The following SOS1 variants were observed in gnomAD, a reference collection of about 807,000 sequenced individuals.
SOS1 encodes SOS Ras/Rac guanine nucleotide exchange factor 1.
Under a neutral mutation model 157.6 loss-of-function variants are expected in SOS1, and 25 were observed. The observed-to-expected ratio is 0.16, with a 90% confidence interval of 0.12 to 0.22. The LOEUF (loss-of-function observed/expected upper bound fraction) is 0.22. SOS1 is among the 10% of genes least tolerant of loss of function. The probability of loss-of-function intolerance (pLI) is 1.00; values close to 1 mark genes in which losing one functional copy is unlikely to be tolerated. For synonymous variants in SOS1, 528 were observed against 534.0 expected (o/e 0.99, Z 0.16); for missense variants, 1,237 against 1,599.1 (o/e 0.77, Z 3.86).
intron 6 of SOS1, among the ~76,000 whole-genome samples, chr2:39,046,222 A>G (rs1670778439): frequency 6.6e-6 from 1 of 152,110 alleles, no homozygotes; most frequent in African/African-American, 2.4e-5. Context: ...TCTGTACATT[A>G]TAAGCTACAG....
chr2:39,113,044 A>G (rs930299368), intron 1 of SOS1, among the ~76,000 whole-genome samples: 4 of 152,076 alleles, frequency 2.6e-5, no homozygotes, highest in Admixed American at 6.6e-5. Context: ...CTCAAAAAAA[A>G]AAAAGAAAAG....
intron 1 of SOS1, among the ~76,000 whole-genome samples, chr2:39,106,061 T>C (rs952592614): frequency 1.3e-5 from 2 of 150,940 alleles, no homozygotes; most frequent in Non-Finnish European, 3.0e-5. Context: ...TAACAAAAAA[T>C]ACAAAAAAAT....
chr2:39,110,869 A>G (rs13432395), intron 1 of SOS1, among the ~76,000 whole-genome samples: 12,743 of 152,220 alleles, frequency 0.084, 1,898 homozygotes, highest in African/African-American at 0.29. Context: ...GGGAGGCTGA[A>G]GCGGGTAGAT....
chr2:39,096,802 T>C (rs985750025), intron 1 of SOS1, among the ~76,000 whole-genome samples: 1 of 151,356 alleles, frequency 6.6e-6, no homozygotes, highest in Non-Finnish European at 1.5e-5. Flanking sequence ...AGGAGAATGG[T>C]GTAAACCCAG....
rs569574224 is a variant in SOS1, at chr2:38,982,148, C to T, written c.*3676G>A. 8.5e-5 allele frequency: 13 copies of T among 152,048 alleles called. No homozygotes were observed. Among genetic ancestry groups the T allele is most frequent in the Non-Finnish European group, 1.9e-4 (13 of 68,000 alleles). 9.4% of individuals were successfully genotyped at this position (152,048 alleles called of 1,614,324 possible). A position where few individuals can be genotyped will look rare whatever the true frequency, so the allele number is the denominator to read the frequency against. On this transcript the variant is annotated 3_prime_UTR_variant, in exon 23 of 23. Coordinates refer to ENST00000402219, the MANE Select transcript of SOS1 (RefSeq NM_005633.4). ...TGCTTTATAATTCTGCAGCAATTGG[C>T]TACTTAATGCACTATTTTCATTAAA...
chr2:39,115,265 T>G (rs1473623472), intron 1 of SOS1, among the ~76,000 whole-genome samples: 9 of 152,178 alleles, frequency 5.9e-5, no homozygotes, highest in Non-Finnish European at 1.3e-4. Context: ...CAACCACTGA[T>G]CTGCACTAGT....
chr2:39,105,494 T>G (rs1673135952), intron 1 of SOS1, among the ~76,000 whole-genome samples: 1 of 152,150 alleles, frequency 6.6e-6, no homozygotes, highest in Non-Finnish European at 1.5e-5. Context: ...GATTACAGAT[T>G]TTTTTTGAAC....
chr2:39,020,459 T>G (rs1197392804), intron 10 of SOS1, among the ~76,000 whole-genome samples: 1 of 151,766 alleles, frequency 6.6e-6, no homozygotes, highest in Non-Finnish European at 1.5e-5. Flanking sequence ...AATAAAAATG[T>G]GTAAGTTAAA....
At chr2:38,994,668 A>G (rs1448702183) in intron 20 of SOS1, among the ~76,000 whole-genome samples, 2 of 152,188 alleles carry the variant, frequency 1.3e-5, no homozygotes, top group African/African-American at 4.8e-5. Flanking sequence ...TCCTTTGAGC[A>G]TTATGTTGAC....
At chr2:39,045,349 GT>G (rs1385649996) in intron 6 of SOS1, among the ~76,000 whole-genome samples, 2 of 148,048 alleles carry the variant, frequency 1.4e-5, no homozygotes, top group Non-Finnish European at 1.5e-5. Flanking sequence ...AATCTTTTTT[GT>G]TTGATCTTTT....
chr2:39,010,565 G>T lies in SOS1; in HGVS notation c.2510+19C>A. ...CATAGCTGACAGCTATAAAATATAA[G>T]AATGCTAGGAATACTTACTTCTCAA... is the stretch of plus-strand genomic sequence containing the variant. On this transcript the variant is annotated intron_variant, in intron 15 of 22. Transcript: ENST00000402219. 1 of 1,603,652 alleles carries T rather than the reference G, an allele frequency of 6.2e-7. No individual in the cohort carries two copies. Among genetic ancestry groups the T allele is most frequent in the Non-Finnish European group, 8.5e-7 (1 of 1,170,748 alleles).
intron 6 of SOS1, among the ~76,000 whole-genome samples, chr2:39,048,183 C>T (rs1481694072): frequency 6.6e-6 from 1 of 152,104 alleles, no homozygotes; most frequent in Non-Finnish European, 1.5e-5. Flanking sequence ...TTTCACAGGT[C>T]ATGAAGAACA....
chr2:39,020,557 T>C (rs1669765948), intron 10 of SOS1, among the ~76,000 whole-genome samples: 1 of 151,738 alleles, frequency 6.6e-6, no homozygotes, highest in Admixed American at 6.6e-5. Context: ...ATCCCTTTTC[T>C]CTTTGGGGAG....
intron 19 of SOS1, 90 bp downstream of exon 19, chr2:38,996,832 A>T (rs1259006861): frequency 2.5e-6 from 2 of 785,122 alleles, no homozygotes; most frequent in Middle Eastern, 2.3e-4. Flanking sequence ...TAACTATCAC[A>T]TGTATACTTC....
At chr2:39,032,000 TTTTAA>T (rs1236250727) in intron 8 of SOS1, among the ~76,000 whole-genome samples, 1 of 152,156 alleles carries the variant, frequency 6.6e-6, no homozygotes, top group Non-Finnish European at 1.5e-5. Context: ...GTCACACTAT[TTTTAA>T]TTTATTTTTT....
At chr2:39,078,545 G>T (rs1163746717) in intron 1 of SOS1, among the ~76,000 whole-genome samples, 1 of 151,930 alleles carries the variant, frequency 6.6e-6, no homozygotes, top group Non-Finnish European at 1.5e-5. Context: ...GCCTACCGGG[G>T]AGCATTACCA....
intron 6 of SOS1, among the ~76,000 whole-genome samples, chr2:39,043,053 G>T (rs1355235309): frequency 6.6e-6 from 1 of 152,132 alleles, no homozygotes; most frequent in Non-Finnish European, 1.5e-5. Flanking sequence ...AATAGAAGTG[G>T]TGATAGTGGT....
At chr2:39,014,013 A>G in intron 11 of SOS1, 24 bp from the exon 12 acceptor site, 1 of 1,564,386 alleles carries the variant, frequency 6.4e-7, no homozygotes, top group Non-Finnish European at 8.8e-7. Context: ...GAACAAATTA[A>G]TGAAAAGACT....
intron 17 of SOS1, among the ~76,000 whole-genome samples, chr2:39,000,826 T>G (rs1360820890): frequency 1.3e-5 from 2 of 152,204 alleles, no homozygotes; most frequent in African/African-American, 4.8e-5. Context: ...GGTTTTCGAT[T>G]GAATGAAAGA....
Sources: allele counts gnomAD v4.1 joint callset (sites outside exome capture counted in the v4.1 genomes callset), GRCh38; gene constraint gnomAD v4.1.1; transcripts MANE v1.5; gene names NCBI Gene and HGNC (gene_info 2026-07-23, HGNC 2026-07-21).